Variants in MORC3 observed in about 807,000 individuals in gnomAD.
MORC3 encodes MORC family CW-type zinc finger 3.
MORC3 carries 31 observed loss-of-function variants against 109.1 expected under a neutral mutation model. The ratio of observed to expected loss-of-function variants is 0.28; its 90% CI spans 0.21 to 0.38. The LOEUF is 0.38. Ranked by LOEUF, MORC3 falls within the 10% of genes least tolerant of loss-of-function variation. The pLI is 1.00. For synonymous variants in MORC3, 395 were observed against 380.7 expected (o/e 1.04, Z -0.44); for missense variants, 867 against 1,135.8 (o/e 0.76, Z 3.40).
intron 1 of MORC3, among the ~76,000 whole-genome samples, chr21:36,323,493 G>T (rs899068155): frequency 2.0e-5 from 3 of 151,980 alleles, no homozygotes; most frequent in Non-Finnish European, 4.4e-5. Context: ...TAGTGGTGGA[G>T]AATATCCACC....
intron 13 of MORC3, among the ~76,000 whole-genome samples, chr21:36,362,644 T>C (rs1372044062): frequency 6.6e-6 from 1 of 152,106 alleles, no homozygotes; most frequent in Non-Finnish European, 1.5e-5. Flanking sequence ...CCCAAAGTGC[T>C]AGGATTACAG....
intron 1 of MORC3, 137 bp downstream of exon 1, chr21:36,320,440 C>A: frequency 1.2e-6 from 1 of 814,288 alleles, no homozygotes; most frequent in Non-Finnish European, 1.6e-6. Flanking sequence ...GGGGAGGGGG[C>A]GGCCATCTCG....
chr21:36,367,878 A>C (rs1034420285), intron 14 of MORC3, among the ~76,000 whole-genome samples: 1 of 152,244 alleles, frequency 6.6e-6, no homozygotes, highest in East Asian at 1.9e-4. Context: ...TAATTTTTCA[A>C]CCCGGAAGCC....
At chr21:36,336,728 A>G in intron 2 of MORC3, 146 bp from the exon 3 acceptor site, 1 of 696,808 alleles carries the variant, frequency 1.4e-6, no homozygotes, top group South Asian at 3.4e-5. Flanking sequence ...CATGTTTAAA[A>G]TCTTTAAATT....
chr21:36,344,694 G>T lies in MORC3; in HGVS notation c.872G>T (p.Arg291Leu). 2 of 1,613,286 alleles carry T rather than the reference G, an allele frequency of 1.2e-6. No individual in the cohort carries two copies. The highest frequency in any genetic ancestry group is 2.2e-5 in the South Asian group (2 of 90,968). Residue 291 changes from arginine (R) to leucine (L), a missense_variant, in exon 7 of 17, where the codon CGA becomes CTA. Physicochemically the swap from Arg to Leu is moderately radical, Grantham distance 102. This residue lies in a region of MORC3 where 120 missense variants were observed against 259.7 expected (regional missense o/e 0.46). Transcript: ENST00000400485. ...SLAYIERDVYRPKFLSKTVRI... is the reference protein window; with the variant it reads ...SLAYIERDVYLPKFLSKTVRI... ...GCCTACATCGAACGTGATGTTTATC[G>T]ACCAAAATTTTTAGTATCCTTTTTC... is the stretch of plus-strand genomic sequence containing the variant.
intron 9 of MORC3, among the ~76,000 whole-genome samples, chr21:36,354,835 T>G (rs2085626929): frequency 6.6e-6 from 1 of 152,220 alleles, no homozygotes; most frequent in Non-Finnish European, 1.5e-5. Flanking sequence ...CTCATCTCCA[T>G]CAAGTAGGCT....
rs1304786317 is a variant in MORC3 at position 36,375,535 on chromosome 21, G to A, written c.*239G>A. 5.8e-6 allele frequency: 2 copies of A among 346,780 alleles called. No individual in the cohort carries two copies. Among genetic ancestry groups the A allele is most frequent in the East Asian group, 1.2e-4 (2 of 16,198 alleles). The allele number at this position is 346,780 out of a possible 1,614,324, so 21.5% of individuals were successfully genotyped here. On this transcript the variant is annotated 3_prime_UTR_variant, in exon 17 of 17. Coordinates refer to ENST00000400485, the MANE Select transcript of MORC3 (RefSeq NM_015358.3). ...GCTAACTCATGACTCTGTTTTGAAT[G>A]TAAATATTTGTAATTAAGCCTGCAC...
chr21:36,341,575 G>T, intron 6 of MORC3, 29 bp downstream of exon 6: 1 of 1,612,842 alleles, frequency 6.2e-7, no homozygotes, highest in Non-Finnish European at 8.5e-7. Flanking sequence ...TTGTGGAAGT[G>T]AGAAAATCAT....
At chr21:36,363,705 T>C (rs1332027858) in intron 13 of MORC3, among the ~76,000 whole-genome samples, 1 of 152,250 alleles carries the variant, frequency 6.6e-6, no homozygotes, top group African/African-American at 2.4e-5. Context: ...GATGCCATTG[T>C]AAATCAGGGG....
At chr21:36,345,776 C>G (rs1270275151) in intron 8 of MORC3, among the ~76,000 whole-genome samples, 1 of 152,042 alleles carries the variant, frequency 6.6e-6, no homozygotes, top group Non-Finnish European at 1.5e-5. Flanking sequence ...AGGCTTGTCC[C>G]AAACTCCTGA....
chr21:36,359,419 GCCACCACAC>G (rs746119447), intron 10 of MORC3, among the ~76,000 whole-genome samples: 17 of 152,046 alleles, frequency 1.1e-4, no homozygotes, highest in African/African-American at 3.1e-4. Flanking sequence ...TAAGGTGTAT[GCCACCACAC>G]CCAGCTCAAA....
intron 14 of MORC3, among the ~76,000 whole-genome samples, chr21:36,366,965 A>G (rs2085788196): frequency 6.6e-6 from 1 of 152,172 alleles, no homozygotes; most frequent in South Asian, 2.1e-4. Context: ...GATGGTAGAA[A>G]CCAGTTTACG....
chr21:36,361,883 G>GA (rs1184316776), intron 12 of MORC3: 2 of 349,990 alleles, frequency 5.7e-6, no homozygotes, highest in East Asian at 6.8e-5. Context: ...CCTCTCAAAA[G>GA]AAAAAACCTA....
chr21:36,331,450 T>G (rs1160339624), intron 1 of MORC3, among the ~76,000 whole-genome samples: 1 of 152,018 alleles, frequency 6.6e-6, no homozygotes, highest in Non-Finnish European at 1.5e-5. Flanking sequence ...TACAAAAAAT[T>G]AGCTGGGCAT....
At chr21:36,326,077 G>T (rs2085244782) in intron 1 of MORC3, among the ~76,000 whole-genome samples, 1 of 151,492 alleles carries the variant, frequency 6.6e-6, no homozygotes, top group Non-Finnish European at 1.5e-5. Context: ...CATGGTGGTG[G>T]GTGCCTGTAA....
At chr21:36,372,569 A>G in intron 16 of MORC3, 38 bp downstream of exon 16, 2 of 1,528,250 alleles carry the variant, frequency 1.3e-6, no homozygotes, top group Non-Finnish European at 1.7e-6. Context: ...GGCTGCAATT[A>G]TGGTTAGGAT....
In MORC3 at chr21:36,332,331, G is replaced by C. The variant is rs145448663; in HGVS notation, c.40-1315G>C. Among the ~76,000 whole-genome samples, 595 of 152,252 alleles carry C rather than the reference G, an allele frequency of 3.9e-3. 4 individuals carry two copies. Among genetic ancestry groups the C allele is most frequent in the African/African-American group, 0.014 (579 of 41,530 alleles). On this transcript the variant is annotated intron_variant, in intron 1 of 16. Transcript: ENST00000400485. ...CGCACCTGTAATCCCAGCAACTCGG[G>C]AGTCTGAGGCAGGAGAACCGCTTGA...
intron 1 of MORC3, 67 bp downstream of exon 1, chr21:36,320,370 C>T (rs909989839): frequency 4.9e-5 from 63 of 1,275,662 alleles, no homozygotes; most frequent in Non-Finnish European, 6.0e-5. Context: ...GAAGGGGGGC[C>T]GGCAGTGGGC....
Position 36,345,756 on chromosome 21 carries a change from C to T in MORC3, c.1005+725C>T, listed in dbSNP as rs565768474. On this transcript the variant is annotated intron_variant, in intron 8 of 16. Coordinates refer to ENST00000400485, the MANE Select transcript of MORC3 (RefSeq NM_015358.3). ...ATTTTTAGTAGAGACGAGGTTTCACCGTGTTGTCCAGGCTTGTCCCAAACT... is the reference window on the plus strand; with the variant it reads ...ATTTTTAGTAGAGACGAGGTTTCACTGTGTTGTCCAGGCTTGTCCCAAACT... Among the ~76,000 whole-genome samples, 21 of 152,146 alleles carry T rather than the reference C, an allele frequency of 1.4e-4. 1 individual carries two copies. The South Asian group carries it at 3.9e-3, about 29-fold the overall frequency.
Sources: allele counts gnomAD v4.1 joint callset (sites outside exome capture counted in the v4.1 genomes callset), GRCh38; gene constraint gnomAD v4.1.1; regional missense constraint gnomAD v4.1.1; transcripts MANE v1.5; gene names NCBI Gene and HGNC (gene_info 2026-07-23, HGNC 2026-07-21).